PSMB2: variants seen among roughly 807,000 people sequenced by gnomAD.
PSMB2 encodes proteasome 20S subunit beta 2.
In PSMB2, 13 loss-of-function variants were observed where a neutral mutation model predicts 25.7. The observed-to-expected ratio is 0.51, with a 90% CI of 0.33 to 0.80. The LOEUF (loss-of-function observed/expected upper bound fraction) is 0.80, where lower values mean the gene tolerates loss of function less well. Ranked by LOEUF, PSMB2 falls within the 30% of genes least tolerant of loss-of-function variation. The pLI, the probability that PSMB2 is intolerant of heterozygous loss-of-function variation, is 0.02. For synonymous variants in PSMB2, 87 were observed against 96.2 expected (o/e 0.90, Z 0.56); for missense variants, 202 against 259.0 (o/e 0.78, Z 1.51).
chr1:35,612,342 A>G (rs115182597), intron 3 of PSMB2, among the ~76,000 whole-genome samples: 2,767 of 150,698 alleles, frequency 0.018, 99 homozygotes, highest in African/African-American at 0.063. Flanking sequence ...TCTCCTTTCT[A>G]TCTTCTAGGA....
intron 3 of PSMB2, 94 bp downstream of exon 3, chr1:35,631,170 GAAGGCCAAAA>G: frequency 8.7e-7 from 1 of 1,145,182 alleles, no homozygotes; most frequent in Non-Finnish European, 1.3e-6. Context: ...AGGGGTTCTG[GAAGGCCAAAA>G]AAGGGCAAAA....
At chr1:35,640,290 G>A (rs1440732990) in intron 1 of PSMB2, among the ~76,000 whole-genome samples, 1 of 152,068 alleles carries the variant, frequency 6.6e-6, no homozygotes, top group Non-Finnish European at 1.5e-5. Flanking sequence ...GTATTATTAA[G>A]TACCTGCCTA....
chr1:35,601,769 C>T lies in PSMB2; in HGVS notation c.*1498G>A. ...TTTTGATATGTGGTTCCTAGACCAG[C>T]AGCATCAGTAGCAACTGGAAATGTG... On this transcript the variant is annotated 3_prime_UTR_variant, in exon 6 of 6. Transcript: ENST00000373237. 1 of 985,236 alleles carries T rather than the reference C, an allele frequency of 1.0e-6. No homozygotes were observed. The highest frequency in any genetic ancestry group is 1.2e-6 in the Non-Finnish European group (1 of 829,736). 61.0% of individuals were successfully genotyped at this position (985,236 alleles called of 1,614,324 possible). A position where few individuals can be genotyped will look rare whatever the true frequency, so the allele number is the denominator to read the frequency against.
At chr1:35,607,713 GA>G (rs1215561578) in intron 4 of PSMB2, among the ~76,000 whole-genome samples, 1 of 152,114 alleles carries the variant, frequency 6.6e-6, no homozygotes, top group Non-Finnish European at 1.5e-5. Flanking sequence ...TATATTGGAT[GA>G]AATCATTATA....
At chr1:35,617,253 G>A (rs1202328946) in intron 3 of PSMB2, among the ~76,000 whole-genome samples, 1 of 152,096 alleles carries the variant, frequency 6.6e-6, no homozygotes, top group East Asian at 1.9e-4. Context: ...TCACCGTGTT[G>A]GCCTGGCTGG....
Position 35,641,421 on chromosome 1 carries a change from G to C in PSMB2, c.12C>G (p.Leu4=). 6.2e-7 allele frequency: 1 copy of C among 1,614,140 alleles called. No individual in the cohort carries two copies. Among genetic ancestry groups the C allele is most frequent in the South Asian group, 1.1e-5 (1 of 91,084 alleles). The change falls in exon 1 of 6, where the codon CTC becomes CTG. Residue 4 remains leucine, a synonymous_variant. Coordinates refer to ENST00000373237, the MANE Select transcript of PSMB2 (RefSeq NM_002794.5). ...CATAGTCGGGGCCTTGGATACCGAT[G>C]AGGTACTCCATGGTGGCGGAAGGCC... MEY[L]IGIQGPDYVL...
Position 35,600,494 on chromosome 1 carries a change from T to C in PSMB2, c.*2773A>G. ...CAACTTTTCTGTAAAACCAAATTTA[T>C]TCCAAAATAAAACATTTATTAAAAA... On this transcript the variant is annotated 3_prime_UTR_variant, in exon 6 of 6. Transcript: ENST00000373237. The C allele has an allele frequency of 1.0e-6, 1 of 977,650 alleles. No individual in the cohort carries two copies. Among genetic ancestry groups the C allele is most frequent in the Non-Finnish European group, 1.2e-6 (1 of 822,870 alleles). 60.6% of individuals were successfully genotyped at this position (977,650 alleles called of 1,614,324 possible). A position where few individuals can be genotyped will look rare whatever the true frequency, so the allele number is the denominator to read the frequency against.
Position 35,600,699 on chromosome 1 carries a change from A to T in PSMB2, c.*2568T>A. 1.0e-6 allele frequency: 1 copy of T among 985,350 alleles called. No homozygotes were observed. Among genetic ancestry groups the T allele is most frequent in the East Asian group, 1.1e-4 (1 of 8,810 alleles). 61.0% of individuals were successfully genotyped at this position (985,350 alleles called of 1,614,324 possible). On this transcript the variant is annotated 3_prime_UTR_variant, in exon 6 of 6. Transcript: ENST00000373237. ...GCTATCTAGGAATGAGTTGATTTGG[A>T]GCTCAGGAAAGAGATCCAGATTGGC...
chr1:35,634,114 A>G (rs933433391), intron 2 of PSMB2, among the ~76,000 whole-genome samples: 3 of 152,206 alleles, frequency 2.0e-5, no homozygotes, highest in African/African-American at 7.2e-5. Context: ...AGCTCACAAA[A>G]TACTTCACAA....
chr1:35,602,846 T>C lies in PSMB2; in HGVS notation c.*421A>G. Reference sequence around the variant, plus strand: ...GTTTTTGTACTGTTTGCATGTTACATTAAGTGCATGTATTATTAATTCAGG... The same window carrying C: ...GTTTTTGTACTGTTTGCATGTTACACTAAGTGCATGTATTATTAATTCAGG... On this transcript the variant is annotated 3_prime_UTR_variant, in exon 6 of 6. Transcript: ENST00000373237. The C allele has an allele frequency of 1.2e-6, 1 of 863,816 alleles. No homozygotes were observed. Among genetic ancestry groups the C allele is most frequent in the Non-Finnish European group, 1.4e-6 (1 of 716,270 alleles). 53.5% of individuals were successfully genotyped at this position (863,816 alleles called of 1,614,324 possible).
intron 3 of PSMB2, among the ~76,000 whole-genome samples, chr1:35,623,020 C>G (rs924456319): frequency 1.3e-5 from 2 of 152,140 alleles, no homozygotes; most frequent in African/African-American, 4.8e-5. Context: ...CTTACTCCTC[C>G]TAGTAGAAAA....
chr1:35,640,101 T>TATACTATACTATACTATACTA (rs758680374), intron 1 of PSMB2, among the ~76,000 whole-genome samples: 4 of 151,964 alleles, frequency 2.6e-5, no homozygotes, highest in Non-Finnish European at 5.9e-5. Flanking sequence ...TATACTATAC[T>TATACTATACTATACTATACTA]ATCTATACTA....
intron 5 of PSMB2, among the ~76,000 whole-genome samples, chr1:35,603,774 G>A (rs1469322405): frequency 6.6e-6 from 1 of 152,318 alleles, no homozygotes. Context: ...CAGAGGCCAG[G>A]AGCTGTGGCT....
chr1:35,632,909 AAAT>A (rs1049537847), intron 2 of PSMB2, among the ~76,000 whole-genome samples: 3 of 151,328 alleles, frequency 2.0e-5, no homozygotes, highest in Admixed American at 6.6e-5. Context: ...ACAACAACAA[AAAT>A]AATAATAATA....
chr1:35,621,964 C>A (rs1243912090), intron 3 of PSMB2, among the ~76,000 whole-genome samples: 2 of 152,018 alleles, frequency 1.3e-5, no homozygotes, highest in East Asian at 3.9e-4. Flanking sequence ...CCACTGCACT[C>A]CAGCCTGGGC....
chr1:35,612,101 G>A (rs969016943), intron 3 of PSMB2, among the ~76,000 whole-genome samples: 5 of 152,228 alleles, frequency 3.3e-5, no homozygotes, highest in African/African-American at 4.8e-5. Context: ...TGATAGGACA[G>A]TGGGTAGTCC....
Position 35,601,418 on chromosome 1 carries a change from A to G in PSMB2, c.*1849T>C, listed in dbSNP as rs1649997458. ...ATAGATGCCTTACACTCAGGAATCT[A>G]GCTAAAAGCTCAAACCTATGCATAT... On this transcript the variant is annotated 3_prime_UTR_variant, in exon 6 of 6. Coordinates refer to ENST00000373237, the MANE Select transcript of PSMB2 (RefSeq NM_002794.5). The G allele has an allele frequency of 2.0e-6, 2 of 985,244 alleles. No individual in the cohort carries two copies. The highest frequency in any genetic ancestry group is 1.7e-5 in the African/African-American group (1 of 57,208). 61.0% of individuals were successfully genotyped at this position (985,244 alleles called of 1,614,324 possible).
chr1:35,625,301 G>A (rs141721566), intron 3 of PSMB2, among the ~76,000 whole-genome samples: 3 of 152,248 alleles, frequency 2.0e-5, no homozygotes, highest in East Asian at 1.9e-4. Context: ...GAAACCCGAC[G>A]ATTACACATC....
At position 35,628,629 on chromosome 1, in the gene PSMB2, ATAT is replaced by A. The variant is rs1295203813; in HGVS notation, c.285+2642_285+2644del. 5.3e-4 allele frequency among the ~76,000 whole-genome samples: 23 copies of A among 43,590 alleles called. 1 individual carries two copies. Among genetic ancestry groups the A allele is most frequent in the African/African-American group, 2.1e-3 (19 of 9,036 alleles). The allele number at this position is 43,590 out of a possible 152,430, so 28.6% of individuals were successfully genotyped here. On this transcript the variant is annotated intron_variant, in intron 3 of 5. Transcript: ENST00000373237. ...TATATATATATATATATATATATATATATTTTTTTTTTTTTTTTTAAAGAAAAG... is the reference window on the plus strand; with the variant it reads ...TATATATATATATATATATATATATATTTTTTTTTTTTTTTTAAAGAAAAG...
Sources: allele counts gnomAD v4.1 joint callset (sites outside exome capture counted in the v4.1 genomes callset), GRCh38; gene constraint gnomAD v4.1.1; transcripts MANE v1.5; gene names NCBI Gene and HGNC (gene_info 2026-07-23, HGNC 2026-07-21).